FANCM: variants seen among roughly 807,000 people sequenced by gnomAD.
The protein encoded by FANCM is Fanconi anemia group M protein.
Under a neutral mutation model 199.5 loss-of-function variants are expected in FANCM, and 140 were observed. That is an observed-to-expected ratio of 0.70 (90% CI 0.61 to 0.81). The LOEUF (loss-of-function observed/expected upper bound fraction) is 0.81. Among genes scored for constraint, FANCM ranks in the 30% least tolerant of loss-of-function variants. The pLI, the probability that FANCM is intolerant of heterozygous loss-of-function variation, is 0.00. For missense variants in FANCM, 2,410 were observed against 2,421.4 expected, an observed-to-expected ratio of 1.00 and a Z score of 0.10; for synonymous variants, 840 against 836.8, an observed-to-expected ratio of 1.00 and a Z score of -0.07.
At chr14:45,138,223 T>A (rs1193583907) in intron 2 of FANCM, among the ~76,000 whole-genome samples, 1 of 152,114 alleles carries the variant, frequency 6.6e-6, no homozygotes, top group Non-Finnish European at 1.5e-5. Flanking sequence ...TAGTTAAAAC[T>A]ATAGTAGTTG....
At chr14:45,137,268 G>C in intron 2 of FANCM, 27 bp downstream of exon 2, 1 of 1,590,830 alleles carries the variant, frequency 6.3e-7, no homozygotes, top group Non-Finnish European at 8.6e-7. Context: ...ACGGTATTTT[G>C]TATTGTAACT....
Position 45,176,844 on chromosome 14 carries a change from A to G in FANCM, c.4090A>G (p.Ser1364Gly). 1.2e-6 allele frequency: 2 copies of G among 1,606,914 alleles called. No homozygotes were observed. The highest frequency in any genetic ancestry group is 1.7e-6 in the Non-Finnish European group (2 of 1,175,708). The change falls in exon 14 of 23, where the codon AGT becomes GGT. Residue 1364 changes from serine (S) to glycine (G), a missense_variant. Coordinates refer to ENST00000267430, the MANE Select transcript of FANCM (RefSeq NM_020937.4). ...RKEILKTPDS[S>G]KEKVNLQRFK... ...GGAAATACTTAAGACACCAGATTCT[A>G]GTAAGGAAAAAGTAAACCTACAAAG...
rs1888273393 is a variant in FANCM at position 45,170,572 on chromosome 14, A to AT, written c.2003-11dup. ...ATTTTTAAAAAGTCTCTTTTCCATT[A>AT]TTTTTTCAACTTATAGGAATGAGGC... is the stretch of plus-strand genomic sequence containing the variant. On this transcript the variant is annotated splice_polypyrimidine_tract_variant and intron_variant, in intron 11 of 22. Transcript: ENST00000267430. The AT allele has an allele frequency of 1.3e-6, 2 of 1,570,206 alleles. No homozygotes were observed. The highest frequency in any genetic ancestry group is 1.7e-6 in the Non-Finnish European group (2 of 1,143,088).
chr14:45,136,510 T>A lies in FANCM; in HGVS notation c.479T>A (p.Ile160Asn), dbSNP rs781618421. 5 of 1,614,044 alleles carry A rather than the reference T, an allele frequency of 3.1e-6. No individual in the cohort carries two copies. Among genetic ancestry groups the A allele is most frequent in the Admixed American group, 3.3e-5 (2 of 60,018 alleles). Residue 160 changes from isoleucine (I) to asparagine (N), a missense_variant, in exon 1 of 23, where the codon ATC becomes AAC. Ile to Asn is a moderately radical substitution (Grantham distance 149). Transcript: ENST00000267430. ...QIEACYQVMG[I>N]PQSHMAEMTG... ...GAGGCTTGCTACCAGGTGATGGGTA[T>A]CCCGCAATCCCACATGGCCGAAATG... is the stretch of plus-strand genomic sequence containing the variant.
chr14:45,151,440 TG>T lies in FANCM; in HGVS notation c.963del (p.Met322Ter). ...FARSLIQRNV[L>X]MRRDIPNLTK... ...CGTTCTTTGATTCAGAGGAATGTTT[TG>T]ATGAGAAGGGATATCCCAAATCTAA... On this transcript the variant is annotated frameshift_variant, in exon 5 of 23. Coordinates refer to ENST00000267430, the MANE Select transcript of FANCM (RefSeq NM_020937.4). LOFTEE classifies it high-confidence loss of function. 6.2e-7 allele frequency: 1 copy of T among 1,613,574 alleles called. No individual in the cohort carries two copies. The highest frequency in any genetic ancestry group is 8.5e-7 in the Non-Finnish European group (1 of 1,179,586).
intron 17 of FANCM, 83 bp from the exon 18 acceptor site, chr14:45,185,134 C>A: frequency 2.1e-6 from 2 of 952,264 alleles, no homozygotes; most frequent in South Asian, 1.5e-5. Flanking sequence ...GATAAGAAAT[C>A]AGTTTTCCAG....
At chr14:45,168,687 T>A (rs1197486779) in intron 11 of FANCM, among the ~76,000 whole-genome samples, 1 of 149,082 alleles carries the variant, frequency 6.7e-6, no homozygotes, top group Non-Finnish European at 1.5e-5. Flanking sequence ...TACACTAGTG[T>A]ATTTATACTA....
intron 3 of FANCM, among the ~76,000 whole-genome samples, chr14:45,147,997 A>C (rs960796263): frequency 6.6e-6 from 1 of 151,824 alleles, no homozygotes; most frequent in Non-Finnish European, 1.5e-5. Flanking sequence ...GGAGTTCGAG[A>C]CCAGCCTGGC....
At chr14:45,194,313 A>G (rs372099082) in intron 20 of FANCM, among the ~76,000 whole-genome samples, 1 of 151,702 alleles carries the variant, frequency 6.6e-6, no homozygotes, top group South Asian at 2.1e-4. Flanking sequence ...AAAAAAAAAA[A>G]AACAAAAAAA....
chr14:45,177,919 T>C (rs186226193), intron 14 of FANCM, among the ~76,000 whole-genome samples: 2 of 152,284 alleles, frequency 1.3e-5, no homozygotes, highest in African/African-American at 4.8e-5. Flanking sequence ...CCACAAAAAA[T>C]CAGAGAAATC....
intron 12 of FANCM, among the ~76,000 whole-genome samples, chr14:45,172,171 A>G (rs1001985092): frequency 1.3e-5 from 2 of 152,108 alleles, no homozygotes; most frequent in African/African-American, 4.8e-5. Flanking sequence ...GATTCTGGAT[A>G]TTAATCCTTT....
intron 2 of FANCM, among the ~76,000 whole-genome samples, chr14:45,138,605 A>G (rs141872196): frequency 1.6e-4 from 25 of 152,328 alleles, no homozygotes; most frequent in African/African-American, 5.5e-4. Context: ...CTGTGTCTAC[A>G]AAAATGAAAT....
intron 20 of FANCM, among the ~76,000 whole-genome samples, chr14:45,190,217 C>G (rs1364904677): frequency 6.6e-6 from 1 of 152,008 alleles, no homozygotes; most frequent in Non-Finnish European, 1.5e-5. Flanking sequence ...TTTATAGTTA[C>G]AGTAATTTTG....
At position 45,151,518 on chromosome 14, in the gene FANCM, C is replaced by T. The variant is rs151071546; in HGVS notation, c.1040C>T (p.Pro347Leu). ...GATCAGTTTAGGAAAAACCCATCTC[C>T]GAATATTGTGGTAGGTATTTTTAAA... Reference protein sequence around the residue: ...ARDQFRKNPSPNIVGIQQGII... With the variant: ...ARDQFRKNPSLNIVGIQQGII... The change falls in exon 5 of 23, where the codon CCG becomes CTG. Residue 347 changes from proline to leucine, a missense_variant. Physicochemically the swap from Pro to Leu is moderately conservative, Grantham distance 98 (BLOSUM62 -3). Transcript: ENST00000267430. The T allele has an allele frequency of 3.8e-4, 616 of 1,611,716 alleles. 4 individuals carry two copies. In the African/African-American group the frequency reaches 7.2e-3, roughly 19 times the overall value.
chr14:45,179,561 CTTTTTT>C (rs36031280), intron 14 of FANCM, among the ~76,000 whole-genome samples: 1 of 95,504 alleles, frequency 1.0e-5, no homozygotes, highest in African/African-American at 4.2e-5. Flanking sequence ...TTCTTTCTTT[CTTTTTT>C]TTTTTTTTTT....
chr14:45,143,875 G>A (rs1886162020), intron 3 of FANCM, among the ~76,000 whole-genome samples: 1 of 151,496 alleles, frequency 6.6e-6, no homozygotes, highest in South Asian at 2.1e-4. Context: ...TGTATTTTTA[G>A]TGGAGACGGG....
rs1359625782 is a variant in FANCM at position 45,176,478 on chromosome 14, G to C, written c.3724G>C (p.Asp1242His). 1 of 1,609,570 alleles carries C rather than the reference G, an allele frequency of 6.2e-7. No individual in the cohort carries two copies. The highest frequency in any genetic ancestry group is 8.5e-7 in the Non-Finnish European group (1 of 1,178,062). Residue 1242 changes from aspartate (D) to histidine (H), a missense_variant, in exon 14 of 23, where the codon GAT (aspartate) becomes CAT (histidine). By Grantham distance (81) the Asp-to-His change is moderately conservative (BLOSUM62 -1). Transcript: ENST00000267430. ...TTTAGGATTCTGTAGTCCAGATTCT[G>C]ATGATGAAATATTGGAACATACATC... ...FDLGFCSPDS[D>H]DEILEHTSDS...
Position 45,154,815 on chromosome 14 carries a change from C to A in FANCM, c.1302C>A (p.Ile434=). 1 of 1,607,700 alleles carries A rather than the reference C, an allele frequency of 6.2e-7. No individual in the cohort carries two copies. Among genetic ancestry groups the A allele is most frequent in the Non-Finnish European group, 8.5e-7 (1 of 1,176,050 alleles). The change falls in exon 7 of 23, where the codon ATC becomes ATA. Residue 434 remains isoleucine (I), a synonymous_variant. Coordinates refer to ENST00000267430, the MANE Select transcript of FANCM (RefSeq NM_020937.4). ...CTTCAGCAAATGGTATTTCTGCTAT[C>A]CAACAAGGTCTGGTTTTTCTTTTAA... ...RSTSANGISA[I]QQGDKNKKFV... is the part of the protein sequence containing the mutation.
intron 4 of FANCM, among the ~76,000 whole-genome samples, chr14:45,151,036 C>T (rs776393353): frequency 1.3e-5 from 2 of 152,192 alleles, no homozygotes; most frequent in African/African-American, 4.8e-5. Flanking sequence ...AAGTGCCAAA[C>T]TGGTCTAGAT....
Sources: allele counts gnomAD v4.1 joint callset (sites outside exome capture counted in the v4.1 genomes callset), GRCh38; gene constraint gnomAD v4.1.1; transcripts MANE v1.5; gene names NCBI Gene and HGNC (gene_info 2026-07-23, HGNC 2026-07-21).